The following PAK1 variants were observed in gnomAD, a reference collection of about 807,000 sequenced individuals.
PAK1 encodes the protein p21 (RAC1) activated kinase 1.
Under a neutral mutation model 67.4 loss-of-function variants are expected in PAK1, and 29 were observed. The ratio of observed to expected loss-of-function variants is 0.43; its 90% CI spans 0.32 to 0.59. PAK1 has a LOEUF of 0.59. Among genes scored for constraint, PAK1 ranks in the 20% least tolerant of loss-of-function variants. PAK1 has a pLI of 0.07. For synonymous variants in PAK1, 223 were observed against 237.4 expected (o/e 0.94, Z 0.56); for missense variants, 337 against 670.7 (o/e 0.50, Z 5.50).
Position 77,343,728 on chromosome 11 carries a change from C to A in PAK1, c.998+91G>T, listed in dbSNP as rs539294133. 2.0e-4 allele frequency: 158 copies of A among 782,490 alleles called. No individual in the cohort carries two copies. The African/African-American group carries it at 2.5e-3, about 13-fold the overall frequency. The allele number at this position is 782,490 out of a possible 1,614,324, so 48.5% of individuals were successfully genotyped here. A position where few individuals can be genotyped will look rare whatever the true frequency, so the allele number is the denominator to read the frequency against. On this transcript the variant is annotated intron_variant, in intron 10 of 14. Transcript: ENST00000356341. ...AGAAGACTCATAAATGGAGGCAGTTCTGAGGGCTGGCACTGCCCTCTTCTC... is the reference window on the plus strand; with the variant it reads ...AGAAGACTCATAAATGGAGGCAGTTATGAGGGCTGGCACTGCCCTCTTCTC...
At chr11:77,482,498 A>G in the PAK1 span, among the ~76,000 whole-genome samples, 3 of 152,156 alleles carry the variant, frequency 2.0e-5, no homozygotes, top group Non-Finnish European at 2.9e-5. Context: ...TGAAACCTTC[A>G]ATATACTTTA....
the PAK1 span, among the ~76,000 whole-genome samples, chr11:77,481,458 C>T: frequency 6.6e-6 from 1 of 151,886 alleles, no homozygotes; most frequent in Non-Finnish European, 1.5e-5. Flanking sequence ...GGGCGGATCA[C>T]GAGGTCAATA....
At chr11:77,377,804 T>C (rs887826211) in intron 4 of PAK1, among the ~76,000 whole-genome samples, 1 of 152,204 alleles carries the variant, frequency 6.6e-6, no homozygotes, top group Middle Eastern at 3.2e-3. Context: ...CATGACAAGT[T>C]CCTTAAACAC....
intron 2 of PAK1, among the ~76,000 whole-genome samples, chr11:77,389,797 CTG>C (rs1950902858): frequency 6.6e-6 from 1 of 152,184 alleles, no homozygotes; most frequent in African/African-American, 2.4e-5. Context: ...TTTCTCCTTT[CTG>C]TGTGTTACCT....
At chr11:77,481,017 T>G in the PAK1 span, among the ~76,000 whole-genome samples, 27 of 152,348 alleles carry the variant, frequency 1.8e-4, no homozygotes, top group African/African-American at 6.3e-4. Context: ...ATGCTTTGTA[T>G]AACATCTTTT....
intron 1 of PAK1, among the ~76,000 whole-genome samples, chr11:77,409,116 T>C (rs1223457001): frequency 6.6e-6 from 1 of 152,048 alleles, no homozygotes; most frequent in Non-Finnish European, 1.5e-5. Flanking sequence ...AAAAAATTTT[T>C]TTTTTATTAG....
chr11:77,516,068 G>A, the PAK1 span, among the ~76,000 whole-genome samples: 3 of 152,186 alleles, frequency 2.0e-5, no homozygotes, highest in Non-Finnish European at 2.9e-5. Flanking sequence ...GTTTTTAGCT[G>A]TGCAATTTGG....
chr11:77,449,806 G>T (rs775570798), intron 1 of PAK1, among the ~76,000 whole-genome samples: 1 of 151,710 alleles, frequency 6.6e-6, no homozygotes, highest in Admixed American at 6.6e-5. Flanking sequence ...TTCTATCTAG[G>T]ACTTTCCAAT....
At chr11:77,333,596 C>A (rs1364810464) in intron 13 of PAK1, among the ~76,000 whole-genome samples, 1 of 152,086 alleles carries the variant, frequency 6.6e-6, no homozygotes, top group Non-Finnish European at 1.5e-5. Flanking sequence ...ATTCCTGGTG[C>A]CTTCACCTCA....
chr11:77,340,625 C>T, intron 11 of PAK1, 21 bp downstream of exon 11: 1 of 1,225,710 alleles, frequency 8.2e-7, no homozygotes. Context: ...CTACCCAAGA[C>T]TGCTTGGCCC....
intron 1 of PAK1, among the ~76,000 whole-genome samples, chr11:77,453,045 G>A (rs1291046714): frequency 6.6e-6 from 1 of 152,122 alleles, no homozygotes; most frequent in Non-Finnish European, 1.5e-5. Context: ...TAGGAAGAAG[G>A]AAGAAGTGGG....
the PAK1 span, among the ~76,000 whole-genome samples, chr11:77,521,781 C>T: frequency 6.6e-6 from 1 of 152,212 alleles, no homozygotes; most frequent in African/African-American, 2.4e-5. Flanking sequence ...TTATTCCCAT[C>T]ACCTGGCAGG....
In PAK1 at chr11:77,349,260, C is replaced by T. The variant is rs764328411; in HGVS notation, c.864G>A (p.Met288Ile). Residue 288 changes from methionine to isoleucine, a missense_variant, in exon 9 of 15, where the codon ATG becomes ATA. Around this residue, in one of 8 missense-constraint regions of PAK1, gnomAD observed 150 missense variants for 179.0 expected, o/e 0.84. Transcript: ENST00000356341. ...QGASGTVYTA[M>I]DVATGQEVAI... ...TCACCTCCTGTCCTGTGGCCACATCCATTGCTGTGTACACGGTGCCTGAAG... is the reference window on the plus strand; with the variant it reads ...TCACCTCCTGTCCTGTGGCCACATCTATTGCTGTGTACACGGTGCCTGAAG... 6.2e-7 allele frequency: 1 copy of T among 1,600,806 alleles called. No individual in the cohort carries two copies. The highest frequency in any genetic ancestry group is 8.5e-7 in the Non-Finnish European group (1 of 1,172,994).
At chr11:77,372,885 C>A (rs181421519) in intron 5 of PAK1, among the ~76,000 whole-genome samples, 10 of 152,326 alleles carry the variant, frequency 6.6e-5, no homozygotes, top group Admixed American at 2.6e-4. Flanking sequence ...GAAGCTTTCT[C>A]TGACACATCC....
chr11:77,436,190 CCT>C (rs1368447393), intron 1 of PAK1, among the ~76,000 whole-genome samples: 1 of 152,142 alleles, frequency 6.6e-6, no homozygotes, highest in Non-Finnish European at 1.5e-5. Flanking sequence ...GTAAGGTTTC[CCT>C]GTTTCTCAGC....
intron 1 of PAK1, among the ~76,000 whole-genome samples, chr11:77,439,692 T>C (rs1402938895): frequency 6.6e-6 from 1 of 152,238 alleles, no homozygotes; most frequent in Admixed American, 6.5e-5. Flanking sequence ...CAATGGGTCA[T>C]TCACTTCCAG....
the PAK1 span, among the ~76,000 whole-genome samples, chr11:77,521,625 A>G: frequency 6.6e-6 from 1 of 152,202 alleles, no homozygotes; most frequent in South Asian, 2.1e-4. Flanking sequence ...TCCTCCTCCA[A>G]CAAGGGAAAG....
At chr11:77,524,997 T>C in the PAK1 span, among the ~76,000 whole-genome samples, 1 of 152,100 alleles carries the variant, frequency 6.6e-6, no homozygotes, top group South Asian at 2.1e-4. Context: ...GTTTTGAAGG[T>C]TGAATACAAT....
chr11:77,385,104 C>T (rs1256229687), intron 2 of PAK1, among the ~76,000 whole-genome samples: 1 of 152,128 alleles, frequency 6.6e-6, no homozygotes, highest in Non-Finnish European at 1.5e-5. Flanking sequence ...CTGGAGCAAA[C>T]ATTATACTCA....
Sources: allele counts gnomAD v4.1 joint callset (sites outside exome capture counted in the v4.1 genomes callset), GRCh38; gene constraint gnomAD v4.1.1; regional missense constraint gnomAD v4.1.1; transcripts MANE v1.5; gene names NCBI Gene and HGNC (gene_info 2026-07-23, HGNC 2026-07-21).